AFF3: variants seen among roughly 807,000 people sequenced by gnomAD.
AFF3 encodes the protein ALF transcription elongation factor 3.
AFF3 carries 32 observed loss-of-function variants against 129.7 expected under a neutral mutation model. The observed-to-expected ratio is 0.25, with a 90% confidence interval of 0.19 to 0.33. The LOEUF is 0.33. Ranked by LOEUF, AFF3 falls within the 10% of genes least tolerant of loss-of-function variation. The probability of loss-of-function intolerance (pLI) is 1.00; values close to 1 mark genes in which losing one functional copy is unlikely to be tolerated. For synonymous variants in AFF3, 644 were observed against 635.4 expected (o/e 1.01, Z -0.20); for missense variants, 1,373 against 1,592.0 (o/e 0.86, Z 2.34).
intron 10 of AFF3, among the ~76,000 whole-genome samples, chr2:99,737,685 T>C (rs1680373739): frequency 6.6e-6 from 1 of 151,908 alleles, no homozygotes; most frequent in African/African-American, 2.4e-5. Context: ...TTCTTGACTC[T>C]GTGGATTAAT....
chr2:99,716,372 G>C (rs1347354236), intron 11 of AFF3, among the ~76,000 whole-genome samples: 1 of 152,240 alleles, frequency 6.6e-6, no homozygotes, highest in South Asian at 2.1e-4. Flanking sequence ...TCTAGGATCT[G>C]AATCTTGGGT....
In AFF3 at chr2:99,960,142, G is replaced by A. The variant is rs1576434301; in HGVS notation, c.873+46490C>T. ...TTTTATTTGCTTACCTGCTACTTAAGATTATTCATGGTATTAATAGAGTAG... is the reference window on the plus strand; with the variant it reads ...TTTTATTTGCTTACCTGCTACTTAAAATTATTCATGGTATTAATAGAGTAG... On this transcript the variant is annotated intron_variant, in intron 7 of 24. Coordinates refer to ENST00000672756, the MANE Select transcript of AFF3 (RefSeq NM_001386135.1). Among the ~76,000 whole-genome samples the A allele has an allele frequency of 2.0e-5, 3 of 152,046 alleles. No homozygotes were observed. The East Asian group carries it at 5.8e-4, about 29-fold the overall frequency.
At chr2:99,709,138 C>A (rs183762613) in intron 11 of AFF3, among the ~76,000 whole-genome samples, 1 of 152,210 alleles carries the variant, frequency 6.6e-6, no homozygotes, top group Admixed American at 6.5e-5. Context: ...GTTTGTGAAC[C>A]CAGCTACTCA....
At chr2:100,006,411 C>A in intron 7 of AFF3, 1 of 538,716 alleles carries the variant, frequency 1.9e-6, no homozygotes. Flanking sequence ...ACACACACAA[C>A]TGCATTTGCT....
intron 7 of AFF3, among the ~76,000 whole-genome samples, chr2:99,911,919 G>A (rs1695133853): frequency 6.6e-6 from 1 of 152,190 alleles, no homozygotes; most frequent in Non-Finnish European, 1.5e-5. Context: ...GATTCATCAG[G>A]ACTGTCTTGT....
At chr2:99,828,170 T>C (rs902096839) in intron 8 of AFF3, among the ~76,000 whole-genome samples, 14 of 152,030 alleles carry the variant, frequency 9.2e-5, no homozygotes, top group African/African-American at 3.4e-4. Context: ...TTGGGAACAA[T>C]TGGGAGAAAA....
chr2:100,018,030 G>GTATA (rs144397984), intron 4 of AFF3, among the ~76,000 whole-genome samples: 4,263 of 132,684 alleles, frequency 0.032, 152 homozygotes, highest in African/African-American at 0.097. Flanking sequence ...GTGTGTGTGT[G>GTATA]TGTATATATA....
At chr2:99,610,679 G>A (rs943001699) in intron 13 of AFF3, among the ~76,000 whole-genome samples, 9 of 152,124 alleles carry the variant, frequency 5.9e-5, no homozygotes, top group East Asian at 1.9e-4. Flanking sequence ...GGATGTAAAC[G>A]TCCATTTCTC....
intron 4 of AFF3, among the ~76,000 whole-genome samples, chr2:100,074,366 C>A (rs1688430632): frequency 6.6e-6 from 1 of 152,156 alleles, no homozygotes. Flanking sequence ...GGGAGCTGGT[C>A]CGCTATTTCC....
intron 24 of AFF3, among the ~76,000 whole-genome samples, chr2:99,553,450 G>C (rs962253168): frequency 2.6e-5 from 4 of 152,142 alleles, no homozygotes; most frequent in African/African-American, 9.7e-5. Flanking sequence ...TTCATGGAGT[G>C]AACTCAGATT....
intron 4 of AFF3, among the ~76,000 whole-genome samples, chr2:100,078,569 A>C (rs561715509): frequency 1.3e-5 from 2 of 152,272 alleles, no homozygotes; most frequent in East Asian, 1.9e-4. Flanking sequence ...TTTTTAATAT[A>C]ATCAGTGTTG....
At position 99,593,341 on chromosome 2, in the gene AFF3, G is replaced by A; in HGVS notation, c.2320C>T (p.Leu774Phe). Residue 774 changes from leucine to phenylalanine, a missense_variant, in exon 15 of 25, where the codon CTC (leucine) becomes TTC (phenylalanine). By Grantham distance (22) the Leu-to-Phe change is conservative. Around this residue, in one of 9 missense-constraint regions of AFF3, gnomAD observed 466 missense variants for 505.0 expected, o/e 0.92. Coordinates refer to ENST00000672756, the MANE Select transcript of AFF3 (RefSeq NM_001386135.1). ...AGGTGTTCTGGGATCCTGGACAGGAGGGTCAGGTCGATTTTGACCCAGAGA... is the reference window on the plus strand; with the variant it reads ...AGGTGTTCTGGGATCCTGGACAGGAAGGTCAGGTCGATTTTGACCCAGAGA... ...RSLWVKIDLT[L>F]LSRIPEHLPQ... 1.9e-6 allele frequency: 3 copies of A among 1,614,074 alleles called. No homozygotes were observed. The highest frequency in any genetic ancestry group is 2.5e-6 in the Non-Finnish European group (3 of 1,180,000).
intron 7 of AFF3, among the ~76,000 whole-genome samples, chr2:99,949,524 AATCAGTG>A (rs747307198): frequency 1.2e-4 from 19 of 152,084 alleles, no homozygotes; most frequent in Non-Finnish European, 2.5e-4. Flanking sequence ...CATAATGTAG[AATCAGTG>A]GGAACCCAGA....
At chr2:100,022,433 C>CAT (rs1376720318) in intron 4 of AFF3, among the ~76,000 whole-genome samples, 1 of 151,996 alleles carries the variant, frequency 6.6e-6, no homozygotes, top group Non-Finnish European at 1.5e-5. Flanking sequence ...TCGGGGGAGA[C>CAT]AGAGTCTCAC....
intron 1 of AFF3, among the ~76,000 whole-genome samples, chr2:100,133,905 C>T (rs1301746408): frequency 6.6e-6 from 1 of 151,984 alleles, no homozygotes; most frequent in Non-Finnish European, 1.5e-5. Flanking sequence ...TGCACTCCAG[C>T]CTGGGTGACA....
At chr2:99,585,351 C>T (rs1677992316) in intron 16 of AFF3, among the ~76,000 whole-genome samples, 1 of 152,136 alleles carries the variant, frequency 6.6e-6, no homozygotes, top group Non-Finnish European at 1.5e-5. Context: ...TTGAAATTGG[C>T]AATCCCCTTC....
At chr2:99,617,134 G>C (rs551173328) in intron 13 of AFF3, among the ~76,000 whole-genome samples, 109 of 152,268 alleles carry the variant, frequency 7.2e-4, no homozygotes, top group African/African-American at 2.6e-3. Context: ...TCTAAGTTTT[G>C]TGCGAACATA....
chr2:100,040,747 T>C (rs1468902965), intron 4 of AFF3, among the ~76,000 whole-genome samples: 1 of 152,192 alleles, frequency 6.6e-6, no homozygotes, highest in Non-Finnish European at 1.5e-5. Flanking sequence ...AAAGCAGTGT[T>C]AGAAAACAGC....
intron 7 of AFF3, among the ~76,000 whole-genome samples, chr2:99,887,338 A>C (rs1047887223): frequency 6.6e-6 from 1 of 152,226 alleles, no homozygotes; most frequent in African/African-American, 2.4e-5. Flanking sequence ...GAGGGGGAAA[A>C]CCTTATTGTT....
Sources: allele counts gnomAD v4.1 joint callset (sites outside exome capture counted in the v4.1 genomes callset), GRCh38; gene constraint gnomAD v4.1.1; regional missense constraint gnomAD v4.1.1; transcripts MANE v1.5; gene names NCBI Gene and HGNC (gene_info 2026-07-23, HGNC 2026-07-21).